Variants in VPS13B observed in about 807,000 individuals in gnomAD.
VPS13B encodes the protein intermembrane lipid transfer protein VPS13B.
A neutral mutation model predicts 426.4 loss-of-function variants in VPS13B; 285 were observed. The observed-to-expected ratio is 0.67, with a 90% CI of 0.61 to 0.74. VPS13B has a LOEUF of 0.74. VPS13B is among the 30% of genes least tolerant of loss of function. The pLI is 0.00. For synonymous variants in VPS13B, 1,676 were observed against 1,676.4 expected, an observed-to-expected ratio of 1.00 and a Z score of 0.01; for missense variants, 4,537 against 4,782.6, an observed-to-expected ratio of 0.95 and a Z score of 1.51.
At chr8:99,549,033 CTA>C (rs753797833) in intron 30 of VPS13B, among the ~76,000 whole-genome samples, 1 of 152,054 alleles carries the variant, frequency 6.6e-6, no homozygotes, top group Non-Finnish European at 1.5e-5. Context: ...ACTTGGAAAA[CTA>C]TCTACAGAGG....
intron 35 of VPS13B, 80 bp downstream of exon 35, chr8:99,661,571 C>G: frequency 2.0e-6 from 3 of 1,526,580 alleles, no homozygotes; most frequent in Non-Finnish European, 8.9e-7. Context: ...TGTTAGTAAT[C>G]TTGACATTCC....
chr8:99,693,889 T>G (rs1409439898), intron 35 of VPS13B, among the ~76,000 whole-genome samples: 1 of 144,360 alleles, frequency 6.9e-6, no homozygotes, highest in African/African-American at 2.6e-5. Flanking sequence ...ACAAGCATTC[T>G]TATACACCAA....
At chr8:99,518,544 C>G (rs1822210374) in intron 29 of VPS13B, among the ~76,000 whole-genome samples, 1 of 152,124 alleles carries the variant, frequency 6.6e-6, no homozygotes, top group Non-Finnish European at 1.5e-5. Context: ...TAGTTCATCT[C>G]TTTTTTTCTC....
chr8:99,269,343 C>T (rs1052690894), intron 17 of VPS13B, among the ~76,000 whole-genome samples: 1 of 152,170 alleles, frequency 6.6e-6, no homozygotes, highest in Non-Finnish European at 1.5e-5. Flanking sequence ...ACTATGACAA[C>T]AGGATTTGAG....
Position 99,817,914 on chromosome 8 carries a change from G to A in VPS13B, c.8361+111G>A. 3 of 1,511,580 alleles carry A rather than the reference G, an allele frequency of 2.0e-6. No homozygotes were observed. The East Asian group carries it at 7.2e-5, about 36-fold the overall frequency. The allele number at this position is 1,511,580 out of a possible 1,614,324, so 93.6% of individuals were successfully genotyped here. ...TATTAAAAAGTGACATATAAAAAAGGGGAGTGAAAGGCTTTGAATAGTACT... is the reference window on the plus strand; with the variant it reads ...TATTAAAAAGTGACATATAAAAAAGAGGAGTGAAAGGCTTTGAATAGTACT... On this transcript the variant is annotated intron_variant, in intron 45 of 61. Coordinates refer to ENST00000357162, the MANE Select transcript of VPS13B (RefSeq NM_152564.5).
chr8:99,014,691 A>G (rs1190090209), intron 2 of VPS13B, among the ~76,000 whole-genome samples: 1 of 134,254 alleles, frequency 7.4e-6, no homozygotes, highest in Admixed American at 7.3e-5. Context: ...GGAAAAAAAG[A>G]CAAAAAAAAA....
chr8:99,740,982 T>G (rs1809689777), intron 39 of VPS13B, among the ~76,000 whole-genome samples: 1 of 152,102 alleles, frequency 6.6e-6, no homozygotes, highest in African/African-American at 2.4e-5. Flanking sequence ...AATATTAACC[T>G]TAAATGTAAA....
intron 24 of VPS13B, among the ~76,000 whole-genome samples, chr8:99,478,533 C>G (rs1386995337): frequency 6.8e-6 from 1 of 146,394 alleles, no homozygotes. Context: ...CTGCAGCCTC[C>G]GCCTCCTGGG....
At chr8:99,426,148 T>A (rs1239196561) in intron 21 of VPS13B, among the ~76,000 whole-genome samples, 1 of 148,720 alleles carries the variant, frequency 6.7e-6, no homozygotes, top group Non-Finnish European at 1.5e-5. Context: ...CACCTATGAG[T>A]GAGAATATCC....
chr8:99,547,847 T>G (rs1195689030), intron 30 of VPS13B, among the ~76,000 whole-genome samples: 2 of 152,070 alleles, frequency 1.3e-5, no homozygotes, highest in African/African-American at 4.8e-5. Flanking sequence ...CATGGGCTTC[T>G]TGATTCACCC....
chr8:99,546,373 A>G (rs1192796052), intron 30 of VPS13B, among the ~76,000 whole-genome samples: 1 of 151,980 alleles, frequency 6.6e-6, no homozygotes, highest in East Asian at 1.9e-4. Context: ...CAACATACAA[A>G]TACATTTAAA....
intron 33 of VPS13B, among the ~76,000 whole-genome samples, chr8:99,603,220 C>A (rs531060094): frequency 6.6e-6 from 1 of 152,112 alleles, no homozygotes; most frequent in Non-Finnish European, 1.5e-5. Flanking sequence ...TCTAACATAA[C>A]CGAAAGTAAG....
chr8:99,659,168 T>C (rs145670725), intron 34 of VPS13B, among the ~76,000 whole-genome samples: 1 of 152,294 alleles, frequency 6.6e-6, no homozygotes, highest in East Asian at 1.9e-4. Flanking sequence ...ATTTCTATCT[T>C]ATTTGAAGAT....
intron 2 of VPS13B, among the ~76,000 whole-genome samples, chr8:99,033,513 C>T (rs1842612701): frequency 6.6e-6 from 1 of 152,142 alleles, no homozygotes; most frequent in Admixed American, 6.5e-5. Context: ...GTACTTTCAA[C>T]TCCAAAATTT....
At chr8:99,346,093 C>G (rs140700728) in intron 19 of VPS13B, 1 of 152,418 alleles carries the variant, frequency 6.6e-6, no homozygotes, top group East Asian at 1.9e-4. Context: ...GTTCAGAGCA[C>G]TGCCAACATG....
chr8:99,341,672 A>G (rs530388554), intron 19 of VPS13B: 2 of 338,610 alleles, frequency 5.9e-6, no homozygotes, highest in South Asian at 6.4e-5. Context: ...CTGCCCATCT[A>G]TCACAGCTTC....
At chr8:99,492,817 G>A (rs137884705) in intron 25 of VPS13B, among the ~76,000 whole-genome samples, 26 of 152,194 alleles carry the variant, frequency 1.7e-4, no homozygotes, top group East Asian at 1.4e-3. Flanking sequence ...AACCCCTTGC[G>A]CTTACCAGGT....
chr8:99,376,141 A>C (rs1223838441), intron 19 of VPS13B, among the ~76,000 whole-genome samples: 1 of 152,184 alleles, frequency 6.6e-6, no homozygotes, highest in African/African-American at 2.4e-5. Context: ...GCAGTAAACC[A>C]CACTTTTCTC....
chr8:99,324,502 A>C (rs1041440879), intron 19 of VPS13B, among the ~76,000 whole-genome samples: 1 of 152,132 alleles, frequency 6.6e-6, no homozygotes, highest in South Asian at 2.1e-4. Flanking sequence ...TAGAGTTTTC[A>C]TGGGGCTGGG....
Sources: gnomAD v4.1 joint callset for allele counts (sites outside exome capture counted in the v4.1 genomes callset) on GRCh38, gnomAD v4.1.1 for gene constraint, MANE v1.5 for transcripts, NCBI Gene and HGNC (gene_info 2026-07-23, HGNC 2026-07-21) for gene names.